The following BTRC variants were observed in gnomAD, a reference collection of about 807,000 sequenced individuals.
The protein encoded by BTRC is F-box/WD repeat-containing protein 1A.
In BTRC, 42 loss-of-function variants were observed where a neutral mutation model predicts 85.5. That is an observed-to-expected ratio of 0.49 (90% CI 0.38 to 0.64). The LOEUF is 0.64. Ranked by LOEUF, BTRC falls within the 30% of genes least tolerant of loss-of-function variation. The pLI is 0.00. For missense variants in BTRC, 594 were observed against 743.5 expected (o/e 0.80, Z 2.34); for synonymous variants, 255 against 263.3 (o/e 0.97, Z 0.30).
chr10:101,442,316 G>GTGTGTGTGTGTC (rs1944708424), intron 2 of BTRC, among the ~76,000 whole-genome samples: 1 of 145,234 alleles, frequency 6.9e-6, no homozygotes, highest in African/African-American at 2.5e-5. Flanking sequence ...GTGTGTGTGT[G>GTGTGTGTGTGTC]TGTAAATGAG....
chr10:101,520,369 T>G (rs984408205), intron 4 of BTRC, among the ~76,000 whole-genome samples: 2 of 152,118 alleles, frequency 1.3e-5, no homozygotes, highest in African/African-American at 4.8e-5. Flanking sequence ...GTTTTTAATG[T>G]GCCTTTCACA....
intron 4 of BTRC, among the ~76,000 whole-genome samples, chr10:101,487,302 TA>T: frequency 6.6e-6 from 1 of 152,358 alleles, no homozygotes; most frequent in East Asian, 1.9e-4. Flanking sequence ...CATTGCTATA[TA>T]ATTTGTGTCA....
chr10:101,430,822 A>G (rs1301313686), intron 2 of BTRC, among the ~76,000 whole-genome samples: 9 of 152,198 alleles, frequency 5.9e-5, no homozygotes, highest in East Asian at 3.8e-4. Context: ...ATTAATTACA[A>G]TCAGTTTCCT....
chr10:101,382,914 T>G (rs986065780), intron 1 of BTRC, among the ~76,000 whole-genome samples: 1 of 152,170 alleles, frequency 6.6e-6, no homozygotes, highest in Non-Finnish European at 1.5e-5. Context: ...CTTTTTACAT[T>G]GTAAAAAAGA....
At chr10:101,536,755 T>TA in intron 12 of BTRC, 102 bp downstream of exon 12, 1 of 833,506 alleles carries the variant, frequency 1.2e-6, no homozygotes, top group Non-Finnish European at 1.9e-6. Flanking sequence ...TAAAAGCTTA[T>TA]AGATTTTACA....
intron 3 of BTRC, among the ~76,000 whole-genome samples, chr10:101,462,660 CAA>C (rs1945259005): frequency 8.2e-6 from 1 of 121,576 alleles, no homozygotes; most frequent in Non-Finnish European, 1.7e-5. Context: ...GCCTGGGCAA[CAA>C]GAGCAAAACT....
At chr10:101,468,315 C>T (rs1315628274) in intron 3 of BTRC, among the ~76,000 whole-genome samples, 2 of 151,168 alleles carry the variant, frequency 1.3e-5, no homozygotes, top group African/African-American at 4.9e-5. Flanking sequence ...ATAAAGGAAA[C>T]AGTTTATATG....
intron 2 of BTRC, among the ~76,000 whole-genome samples, chr10:101,430,939 T>C (rs975786355): frequency 1.3e-5 from 2 of 152,138 alleles, no homozygotes; most frequent in African/African-American, 4.8e-5. Context: ...ATAACTGTTT[T>C]ATTTATATCT....
At chr10:101,363,838 G>T (rs1942286090) in intron 1 of BTRC, among the ~76,000 whole-genome samples, 3 of 152,212 alleles carry the variant, frequency 2.0e-5, no homozygotes, top group South Asian at 4.1e-4. Context: ...TTTACATATA[G>T]GTTTCCTGAT....
intron 1 of BTRC, among the ~76,000 whole-genome samples, chr10:101,426,264 AAAAC>A (rs1944249532): frequency 1.3e-5 from 2 of 152,250 alleles, no homozygotes; most frequent in South Asian, 4.1e-4. Context: ...TAATTGTTAC[AAAAC>A]AAACCAATTT....
intron 1 of BTRC, among the ~76,000 whole-genome samples, chr10:101,423,024 A>G (rs766897055): frequency 3.7e-4 from 56 of 152,018 alleles, no homozygotes; most frequent in Non-Finnish European, 6.9e-4. Context: ...TGGTATTGAT[A>G]TTGATTCTTC....
intron 1 of BTRC, among the ~76,000 whole-genome samples, chr10:101,409,278 T>C (rs968317795): frequency 2.4e-4 from 36 of 152,224 alleles, no homozygotes; most frequent in African/African-American, 8.2e-4. Flanking sequence ...ATTCTGCCCA[T>C]ATGAATTTAT....
intron 1 of BTRC, among the ~76,000 whole-genome samples, chr10:101,429,409 A>G (rs1452854591): frequency 3.3e-5 from 5 of 152,014 alleles, no homozygotes; most frequent in Admixed American, 6.5e-5. Flanking sequence ...TATGTATTAT[A>G]TATATGTACA....
At chr10:101,510,826 T>TC (rs1418523197) in intron 4 of BTRC, among the ~76,000 whole-genome samples, 11 of 152,214 alleles carry the variant, frequency 7.2e-5, no homozygotes, top group African/African-American at 2.7e-4. Context: ...TTCTCCTCCT[T>TC]CATCCTCTGT....
At chr10:101,392,550 G>A (rs756485058) in intron 1 of BTRC, among the ~76,000 whole-genome samples, 11 of 152,086 alleles carry the variant, frequency 7.2e-5, no homozygotes, top group Non-Finnish European at 1.5e-4. Flanking sequence ...AGGCTAGAGT[G>A]CAGTGGCGGC....
intron 2 of BTRC, among the ~76,000 whole-genome samples, chr10:101,452,568 C>T (rs1399037639): frequency 6.6e-6 from 1 of 152,212 alleles, no homozygotes; most frequent in Non-Finnish European, 1.5e-5. Context: ...TAGTGTCGGA[C>T]AGTGTGGCGG....
At chr10:101,357,992 C>T (rs1175024928) in intron 1 of BTRC, among the ~76,000 whole-genome samples, 1 of 151,946 alleles carries the variant, frequency 6.6e-6, no homozygotes, top group Non-Finnish European at 1.5e-5. Flanking sequence ...TGAAGAGAAC[C>T]TAAGAAGAGA....
intron 3 of BTRC, among the ~76,000 whole-genome samples, chr10:101,464,306 G>A (rs1452264655): frequency 6.6e-6 from 1 of 152,150 alleles, no homozygotes; most frequent in East Asian, 1.9e-4. Context: ...ACTGAAGCAA[G>A]AGAGAGAATC....
In BTRC at chr10:101,413,814, G is replaced by A. The variant is rs116496968; in HGVS notation, c.49-16531G>A. Among the ~76,000 whole-genome samples, 526 of 151,998 alleles carry A rather than the reference G, an allele frequency of 3.5e-3. 4 individuals carry two copies. The highest frequency in any genetic ancestry group is 0.012 in the African/African-American group (502 of 41,458). On this transcript the variant is annotated intron_variant, in intron 1 of 14. Coordinates refer to ENST00000370187, the MANE Select transcript of BTRC (RefSeq NM_033637.4). ...TAATGAATTCTTAATTTCAACTTTC[G>A]TGTTTTTTTATATACAGGATTTTCA...
Sources: gnomAD v4.1 joint callset for allele counts (sites outside exome capture counted in the v4.1 genomes callset) on GRCh38, gnomAD v4.1.1 for gene constraint, MANE v1.5 for transcripts, NCBI Gene and HGNC (gene_info 2026-07-23, HGNC 2026-07-21) for gene names.